The following CPEB1 variants were observed in gnomAD, a reference collection of about 807,000 sequenced individuals.
CPEB1 encodes the protein cytoplasmic polyadenylation element-binding protein 1.
Under a neutral mutation model 65.8 loss-of-function variants are expected in CPEB1, and 7 were observed. That is an observed-to-expected ratio of 0.11 (90% CI 0.06 to 0.20). The LOEUF is 0.20. Among genes scored for constraint, CPEB1 ranks in the 10% least tolerant of loss-of-function variants. The probability of loss-of-function intolerance (pLI) is 1.00; values close to 1 mark genes in which losing one functional copy is unlikely to be tolerated. For synonymous variants in CPEB1, 262 were observed against 260.0 expected (o/e 1.01, Z -0.08); for missense variants, 551 against 712.2 (o/e 0.77, Z 2.58).
Position 82,628,360 on chromosome 15 carries a change from A to G in CPEB1, c.96+4T>C, listed in dbSNP as rs994673999. 12 of 702,734 alleles carry G rather than the reference A, an allele frequency of 1.7e-5. No individual in the cohort carries two copies. In the African/African-American group the frequency reaches 1.7e-4, roughly 10 times the overall value. The allele number at this position is 702,734 out of a possible 1,614,324, so 43.5% of individuals were successfully genotyped here. On this transcript the variant is annotated splice_donor_region_variant and intron_variant, in intron 2 of 12. Coordinates refer to ENST00000684509, the MANE Select transcript of CPEB1 (RefSeq NM_001365242.1). ...ACCTTGGAGAAATCCAAGAGTTAAC[A>G]TACCAGAGGAATTAGCAGAAGACAA...
At chr15:82,562,696 A>C (rs2038430927) in intron 4 of CPEB1, among the ~76,000 whole-genome samples, 1 of 152,088 alleles carries the variant, frequency 6.6e-6, no homozygotes, top group African/African-American at 2.4e-5. Context: ...TCAGCCAGGC[A>C]TTATGGCATG....
At position 82,552,619 on chromosome 15, in the gene CPEB1, A is replaced by G. The variant is rs779326012; in HGVS notation, c.1145-3T>C. ...TTCGAAGACCAGATACACATACCCT[A>G]TTCCCAATGAGAGGAAAAATCGCAT... On this transcript the variant is annotated splice_polypyrimidine_tract_variant and splice_region_variant and intron_variant, in intron 8 of 12. Transcript: ENST00000684509. 2.5e-6 allele frequency: 4 copies of G among 1,613,974 alleles called. No individual in the cohort carries two copies. In the South Asian group the frequency reaches 4.4e-5, roughly 18 times the overall value.
At chr15:82,617,306 C>T (rs1465319253) in intron 3 of CPEB1, among the ~76,000 whole-genome samples, 1 of 152,216 alleles carries the variant, frequency 6.6e-6, no homozygotes, top group African/African-American at 2.4e-5. Flanking sequence ...TATTGATGGA[C>T]ATCTGGGTTG....
chr15:82,577,179 G>C (rs1451347771), intron 3 of CPEB1, among the ~76,000 whole-genome samples: 1 of 152,150 alleles, frequency 6.6e-6, no homozygotes, highest in Admixed American at 6.5e-5. Context: ...GGTGTGTTTT[G>C]TTTTGTTTTT....
intron 3 of CPEB1, among the ~76,000 whole-genome samples, chr15:82,586,728 A>G (rs1404277871): frequency 2.6e-5 from 4 of 152,218 alleles, no homozygotes; most frequent in Non-Finnish European, 1.5e-5. Flanking sequence ...GCTATTCTAA[A>G]TTTAGATTCA....
chr15:82,573,087 A>G (rs1309952040), intron 3 of CPEB1: 1 of 1,535,660 alleles, frequency 6.5e-7, no homozygotes, highest in Admixed American at 2.0e-5. Flanking sequence ...TACGGGAAGC[A>G]TGCCCACCTG....
intron 3 of CPEB1, among the ~76,000 whole-genome samples, chr15:82,586,364 G>C (rs1413544103): frequency 4.6e-5 from 7 of 151,768 alleles, no homozygotes; most frequent in Admixed American, 3.9e-4. Flanking sequence ...TTGTCCTCTA[G>C]AAAGAGAAAT....
At chr15:82,552,676 T>C (rs2036480064) in intron 8 of CPEB1, 60 bp from the exon 9 acceptor site, 1 of 1,574,812 alleles carries the variant, frequency 6.3e-7, no homozygotes, top group Admixed American at 1.7e-5. Context: ...TCCTCAGCCT[T>C]GGCTTTGCAG....
At chr15:82,585,969 A>C (rs1174102704) in intron 3 of CPEB1, among the ~76,000 whole-genome samples, 1 of 149,408 alleles carries the variant, frequency 6.7e-6, no homozygotes, top group African/African-American at 2.5e-5. Context: ...TAAGTGAAGA[A>C]AAAAAAAAAA....
intron 3 of CPEB1, among the ~76,000 whole-genome samples, chr15:82,607,341 A>T (rs2043715733): frequency 6.6e-6 from 1 of 152,190 alleles, no homozygotes; most frequent in South Asian, 2.1e-4. Flanking sequence ...TAATCCCAGC[A>T]TTTTGGGAGG....
chr15:82,548,666 C>A (rs964328247), intron 10 of CPEB1: 2 of 454,782 alleles, frequency 4.4e-6, no homozygotes, highest in African/African-American at 4.0e-5. Context: ...CCCTTAGGCA[C>A]TCTGGAGACC....
chr15:82,547,365 C>G, intron 10 of CPEB1, 128 bp from the exon 11 acceptor site: 1 of 566,834 alleles, frequency 1.8e-6, no homozygotes, highest in South Asian at 2.2e-5. Context: ...GGCGCAATCT[C>G]TGCTCACTGC....
intron 3 of CPEB1, among the ~76,000 whole-genome samples, chr15:82,578,801 AAGTC>A (rs1377634605): frequency 6.6e-6 from 1 of 152,124 alleles, no homozygotes; most frequent in Non-Finnish European, 1.5e-5. Context: ...TTCCAGCAAT[AAGTC>A]AGTCATACAA....
intron 12 of CPEB1, among the ~76,000 whole-genome samples, chr15:82,545,466 A>C (rs2035013934): frequency 2.6e-5 from 4 of 152,156 alleles, no homozygotes. Flanking sequence ...AGAGGTCCCA[A>C]ACTTCCCCTA....
At chr15:82,554,024 G>T in intron 6 of CPEB1, 33 bp from the exon 7 acceptor site, 2 of 1,364,832 alleles carry the variant, frequency 1.5e-6, no homozygotes, top group Non-Finnish European at 2.1e-6. Context: ...AAACAGGGGA[G>T]GTTAGAGAAT....
chr15:82,617,578 G>C (rs1349624226), intron 3 of CPEB1, among the ~76,000 whole-genome samples: 1 of 152,058 alleles, frequency 6.6e-6, no homozygotes, highest in African/African-American at 2.4e-5. Flanking sequence ...ACAGACTACA[G>C]TATCAATATT....
chr15:82,573,768 GA>G (rs749764323), intron 3 of CPEB1, among the ~76,000 whole-genome samples: 1 of 152,116 alleles, frequency 6.6e-6, no homozygotes, highest in African/African-American at 2.4e-5. Context: ...AAGACCGACA[GA>G]ATTGAGATCT....
intron 3 of CPEB1, among the ~76,000 whole-genome samples, chr15:82,574,320 G>C (rs922415336): frequency 1.3e-5 from 2 of 152,314 alleles, no homozygotes; most frequent in Admixed American, 1.3e-4. Context: ...ATGACTGACA[G>C]ACCTTGCTCT....
rs547971292 is a variant in CPEB1 at position 82,598,774 on chromosome 15, G to C, written c.272-27242C>G. ...CACTCCAGTCTGGGTGACAGAGCGA[G>C]ACTCCATCTGAAAAACAAAAACAAA... On this transcript the variant is annotated intron_variant, in intron 3 of 12. Transcript: ENST00000684509. Among the ~76,000 whole-genome samples the C allele has an allele frequency of 1.4e-4, 22 of 152,152 alleles. No individual in the cohort carries two copies. The South Asian group carries it at 4.6e-3, about 32-fold the overall frequency.
Sources: allele counts gnomAD v4.1 joint callset (sites outside exome capture counted in the v4.1 genomes callset), GRCh38; gene constraint gnomAD v4.1.1; transcripts MANE v1.5; gene names NCBI Gene and HGNC (gene_info 2026-07-23, HGNC 2026-07-21).